Variants in ARB2A observed in about 807,000 individuals in gnomAD.
ARB2A encodes the protein ARB2 cotranscriptional regulator A, also known as cotranscriptional regulator ARB2A.
the ARB2A span, chr5:93,881,288 A>G: frequency 2.2e-6 from 1 of 464,654 alleles, no homozygotes; most frequent in Non-Finnish European, 3.7e-6. Context: ...ACACTGAAAT[A>G]AGAATGATGC....
chr5:93,980,289 G>A, the ARB2A span, among the ~76,000 whole-genome samples: 2 of 152,088 alleles, frequency 1.3e-5, no homozygotes, highest in African/African-American at 4.8e-5. Context: ...ATTTCCTCTG[G>A]TGTCTTCTGG....
chr5:94,052,568 G>A, the ARB2A span, among the ~76,000 whole-genome samples: 2 of 152,112 alleles, frequency 1.3e-5, no homozygotes, highest in African/African-American at 2.4e-5. Context: ...GTGTAAGGGT[G>A]TATTACACAT....
the ARB2A span, among the ~76,000 whole-genome samples, chr5:94,098,456 A>G: frequency 2.0e-5 from 3 of 152,350 alleles, no homozygotes; most frequent in East Asian, 5.8e-4. Context: ...GATAGAACAT[A>G]CCAGAATCAC....
At chr5:93,717,949 C>T in the ARB2A span, among the ~76,000 whole-genome samples, 2 of 151,776 alleles carry the variant, frequency 1.3e-5, no homozygotes, top group East Asian at 2.0e-4. Flanking sequence ...ATTCTCCTGC[C>T]TCAGCCTCCT....
At chr5:93,927,218 T>C in the ARB2A span, among the ~76,000 whole-genome samples, 25 of 152,314 alleles carry the variant, frequency 1.6e-4, no homozygotes, top group East Asian at 4.8e-3. Context: ...TTTTAAAGCG[T>C]GCCTGGTGAA....
the ARB2A span, among the ~76,000 whole-genome samples, chr5:93,907,025 A>G: frequency 6.6e-6 from 1 of 151,476 alleles, no homozygotes; most frequent in Non-Finnish European, 1.5e-5. Context: ...TAGATATATG[A>G]GCATGCATGC....
chr5:94,093,425 C>T, the ARB2A span, among the ~76,000 whole-genome samples: 4 of 152,088 alleles, frequency 2.6e-5, no homozygotes, highest in Non-Finnish European at 5.9e-5. Flanking sequence ...TCTCTTTCTG[C>T]CTTTCAGAAG....
chr5:94,004,998 C>CCAAAAAAAAA, the ARB2A span, among the ~76,000 whole-genome samples: 1 of 12,552 alleles, frequency 8.0e-5, no homozygotes, highest in African/African-American at 2.3e-4. Flanking sequence ...ATTTTATCAG[C>CCAAAAAAAAA]AAAAAAAAAA....
the ARB2A span, among the ~76,000 whole-genome samples, chr5:93,722,657 TG>T: frequency 6.6e-6 from 1 of 152,120 alleles, no homozygotes; most frequent in African/African-American, 2.4e-5. Flanking sequence ...GTTTATGTGT[TG>T]GTATCACATA....
At chr5:93,691,690 C>T in the ARB2A span, among the ~76,000 whole-genome samples, 1 of 152,052 alleles carries the variant, frequency 6.6e-6, no homozygotes, top group African/African-American at 2.4e-5. Flanking sequence ...CACCAAGATA[C>T]TCCTCGAGAA....
chr5:93,844,174 T>C, the ARB2A span, among the ~76,000 whole-genome samples: 8 of 149,130 alleles, frequency 5.4e-5, no homozygotes, highest in African/African-American at 2.0e-4. Context: ...GCCAGGCACA[T>C]AGCTCACGCC....
the ARB2A span, among the ~76,000 whole-genome samples, chr5:94,077,604 G>A: frequency 6.6e-6 from 1 of 152,072 alleles, no homozygotes; most frequent in South Asian, 2.1e-4. Context: ...GTTATAACCT[G>A]CATGACCACA....
At chr5:94,051,320 G>A in the ARB2A span, among the ~76,000 whole-genome samples, 5 of 152,162 alleles carry the variant, frequency 3.3e-5, no homozygotes, top group African/African-American at 9.7e-5. Flanking sequence ...AACTATCTGT[G>A]GGCTAGAAGA....
the ARB2A span, among the ~76,000 whole-genome samples, chr5:93,716,566 G>T: frequency 6.6e-6 from 1 of 151,744 alleles, no homozygotes; most frequent in South Asian, 2.1e-4. Context: ...AGAGTTCCTG[G>T]AAAAGTCAAA....
chr5:93,655,977 T>C, the ARB2A span, among the ~76,000 whole-genome samples: 2 of 152,202 alleles, frequency 1.3e-5, no homozygotes, highest in African/African-American at 4.8e-5. Flanking sequence ...TCATGTTTAT[T>C]GTCCCTCTCC....
the ARB2A span, chr5:94,053,286 TTTTAA>T: frequency 2.8e-4 from 263 of 933,176 alleles, 2 homozygotes; most frequent in East Asian, 3.0e-3. Flanking sequence ...GTAACAAAGA[TTTTAA>T]TTTAATTTAA....
At chr5:93,707,550 T>TTTTTC in the ARB2A span, among the ~76,000 whole-genome samples, 3 of 151,546 alleles carry the variant, frequency 2.0e-5, no homozygotes, top group East Asian at 1.9e-4. Context: ...CACTAAAAAG[T>TTTTTC]TTTTCTTTTC....
chr5:93,707,576 C>CTTTT, the ARB2A span, among the ~76,000 whole-genome samples: 6 of 138,058 alleles, frequency 4.3e-5, no homozygotes, highest in Non-Finnish European at 9.5e-5. Flanking sequence ...TTTTTTCTTT[C>CTTTT]TTTTTTTTTT....
the ARB2A span, among the ~76,000 whole-genome samples, chr5:94,071,090 G>T: frequency 1.3e-5 from 2 of 152,042 alleles, no homozygotes; most frequent in African/African-American, 2.4e-5. Context: ...ACCTGTTGAT[G>T]AATGTTTTTA....
Sources: allele counts gnomAD v4.1 joint callset (sites outside exome capture counted in the v4.1 genomes callset), GRCh38; gene constraint gnomAD v4.1.1; transcripts MANE v1.5; gene names NCBI Gene and HGNC (gene_info 2026-07-23, HGNC 2026-07-21).